GPC5: variants seen among roughly 807,000 people sequenced by gnomAD.
The protein encoded by GPC5 is glypican-5.
A neutral mutation model predicts 53.9 loss-of-function variants in GPC5; 47 were observed. That is an observed-to-expected ratio of 0.87 (90% CI 0.69 to 1.11). The LOEUF (loss-of-function observed/expected upper bound fraction) is 1.11, where lower values mean the gene tolerates loss of function less well. Ranked by LOEUF, GPC5 falls within the 50% of genes most tolerant of loss-of-function variation. GPC5 has a pLI of 0.00. For missense variants in GPC5, 748 were observed against 713.1 expected (o/e 1.05, Z -0.56); for synonymous variants, 286 against 263.3 (o/e 1.09, Z -0.84).
intron 7 of GPC5, among the ~76,000 whole-genome samples, chr13:92,621,365 G>T (rs1440796087): frequency 6.6e-6 from 1 of 152,112 alleles, no homozygotes; most frequent in African/African-American, 2.4e-5. Context: ...CAGAGGTCGT[G>T]CCTCTGTTAC....
intron 7 of GPC5, among the ~76,000 whole-genome samples, chr13:92,650,671 A>C (rs1192754940): frequency 6.6e-6 from 1 of 152,248 alleles, no homozygotes; most frequent in South Asian, 2.1e-4. Flanking sequence ...ATTTGCATAT[A>C]TTTATGAAAG....
At chr13:92,850,891 C>A (rs770259097) in intron 7 of GPC5, among the ~76,000 whole-genome samples, 15 of 152,152 alleles carry the variant, frequency 9.9e-5, no homozygotes, top group Non-Finnish European at 1.8e-4. Context: ...CTGTATTAGT[C>A]CATTCTCACT....
intron 7 of GPC5, among the ~76,000 whole-genome samples, chr13:92,330,573 A>T (rs181573535): frequency 6.6e-6 from 1 of 152,150 alleles, no homozygotes. Flanking sequence ...ACCTGGCAAG[A>T]GTAGAATCAG....
At chr13:92,632,461 C>CATATATATAT (rs1491296731) in intron 7 of GPC5, among the ~76,000 whole-genome samples, 1,122 of 57,964 alleles carry the variant, frequency 0.019, 23 homozygotes, top group African/African-American at 0.038. Context: ...GAAAATATTC[C>CATATATATAT]ACATATATAT....
intron 7 of GPC5, among the ~76,000 whole-genome samples, chr13:92,859,484 A>G (rs922495868): frequency 1.3e-5 from 2 of 152,100 alleles, no homozygotes; most frequent in African/African-American, 4.8e-5. Context: ...AGTCCATATT[A>G]TCACTAACCT....
intron 6 of GPC5, among the ~76,000 whole-genome samples, chr13:92,059,066 A>G (rs908971868): frequency 1.3e-5 from 2 of 152,224 alleles, no homozygotes; most frequent in South Asian, 2.1e-4. Context: ...AGACTTGACC[A>G]TTAGGATATG....
chr13:91,972,357 T>G (rs1331326139), intron 6 of GPC5, among the ~76,000 whole-genome samples: 1 of 152,224 alleles, frequency 6.6e-6, no homozygotes, highest in African/African-American at 2.4e-5. Flanking sequence ...AGCCTATGTG[T>G]GTCTCTGCAC....
intron 2 of GPC5, among the ~76,000 whole-genome samples, chr13:91,567,331 C>A (rs1437196061): frequency 6.6e-6 from 1 of 152,084 alleles, no homozygotes; most frequent in African/African-American, 2.4e-5. Context: ...ATATTCTTAT[C>A]TTTTGTTTAG....
rs9583972 is a variant in GPC5, at chr13:91,959,963, C to T, written c.1401+51906C>T. Among the ~76,000 whole-genome samples the T allele has an allele frequency of 2.0e-5, 3 of 151,822 alleles. No homozygotes were observed. The South Asian group carries it at 6.2e-4, about 31-fold the overall frequency. On this transcript the variant is annotated intron_variant, in intron 6 of 7. Coordinates refer to ENST00000377067, the MANE Select transcript of GPC5 (RefSeq NM_004466.6). ...GGAATATACTTCAACATTATAAAGG[C>T]AAACCCAAAACCAGCATCATACTGA... is the stretch of plus-strand genomic sequence containing the variant.
intron 6 of GPC5, among the ~76,000 whole-genome samples, chr13:91,955,055 A>G (rs1200911726): frequency 6.6e-6 from 1 of 152,216 alleles, no homozygotes; most frequent in African/African-American, 2.4e-5. Flanking sequence ...GCATGAGACT[A>G]TATGACATTG....
chr13:92,459,803 C>CT (rs935202991), intron 7 of GPC5, among the ~76,000 whole-genome samples: 10 of 152,114 alleles, frequency 6.6e-5, no homozygotes, highest in African/African-American at 2.4e-4. Flanking sequence ...TAAATTTTCA[C>CT]TTTTTTTCAG....
At chr13:91,624,605 A>G (rs761358974) in intron 2 of GPC5, among the ~76,000 whole-genome samples, 6 of 152,098 alleles carry the variant, frequency 3.9e-5, no homozygotes, top group Non-Finnish European at 7.4e-5. Context: ...TTATATATCT[A>G]TAAAAATTAA....
chr13:91,782,482 T>C (rs173141), intron 5 of GPC5, among the ~76,000 whole-genome samples: 55,023 of 151,872 alleles, frequency 0.36, 11,663 homozygotes, highest in African/African-American at 0.59. Context: ...CAGGAGAGAC[T>C]GCCCCTTAGA....
At chr13:92,725,309 T>C (rs17267369) in intron 7 of GPC5, among the ~76,000 whole-genome samples, 15,464 of 151,446 alleles carry the variant, frequency 0.1, 876 homozygotes, top group Admixed American at 0.14. Context: ...TGTTTAAGAG[T>C]ACCCTCCGTT....
At chr13:92,035,325 C>G (rs2040884471) in intron 6 of GPC5, among the ~76,000 whole-genome samples, 3 of 152,148 alleles carry the variant, frequency 2.0e-5, no homozygotes, top group African/African-American at 7.2e-5. Flanking sequence ...CCATTACTTC[C>G]TCTCCCTGGC....
At chr13:92,335,157 G>A (rs568833864) in intron 7 of GPC5, among the ~76,000 whole-genome samples, 10 of 152,192 alleles carry the variant, frequency 6.6e-5, no homozygotes, top group Non-Finnish European at 1.3e-4. Flanking sequence ...AACACACCTC[G>A]GCCTAGACAT....
intron 7 of GPC5, among the ~76,000 whole-genome samples, chr13:92,647,156 G>A (rs4617701): frequency 0.25 from 38,083 of 151,768 alleles, 5,275 homozygotes; most frequent in South Asian, 0.39. Flanking sequence ...CCTAATGTTG[G>A]ATATAAATTG....
intron 7 of GPC5, among the ~76,000 whole-genome samples, chr13:92,199,119 G>A (rs1411238611): frequency 1.3e-5 from 2 of 152,162 alleles, no homozygotes; most frequent in African/African-American, 2.4e-5. Flanking sequence ...TAAAGCTAGG[G>A]CATGAGGCCC....
intron 7 of GPC5, among the ~76,000 whole-genome samples, chr13:92,470,330 A>G (rs1287625400): frequency 6.6e-6 from 1 of 152,180 alleles, no homozygotes; most frequent in Non-Finnish European, 1.5e-5. Flanking sequence ...CTTGTATTTT[A>G]TAACATAATT....
Sources: allele counts gnomAD v4.1 joint callset (sites outside exome capture counted in the v4.1 genomes callset), GRCh38; gene constraint gnomAD v4.1.1; transcripts MANE v1.5; gene names NCBI Gene and HGNC (gene_info 2026-07-23, HGNC 2026-07-21).